SCAPER: variants seen among roughly 807,000 people sequenced by gnomAD.
The protein encoded by SCAPER is S-phase cyclin A associated protein in the ER, also known as S phase cyclin A-associated protein in the endoplasmic reticulum.
In SCAPER, 98 loss-of-function variants were observed where a neutral mutation model predicts 182.2. The observed-to-expected ratio is 0.54, with a 90% confidence interval of 0.46 to 0.64. SCAPER has a LOEUF of 0.64. Among genes scored for constraint, SCAPER ranks in the 30% least tolerant of loss-of-function variants. The probability of loss-of-function intolerance (pLI) is 0.00; values close to 1 mark genes in which losing one functional copy is unlikely to be tolerated. For missense variants in SCAPER, 1,432 were observed against 1,690.0 expected (o/e 0.85, Z 2.68); for synonymous variants, 605 against 564.6 (o/e 1.07, Z -1.01).
At chr15:76,428,564 A>C (rs764118395) in intron 26 of SCAPER, among the ~76,000 whole-genome samples, 3 of 152,170 alleles carry the variant, frequency 2.0e-5, no homozygotes, top group East Asian at 1.9e-4. Context: ...TCAAGTGTGT[A>C]ATCTATAACG....
chr15:76,728,817 A>G lies in SCAPER; in HGVS notation c.2023-80T>C, dbSNP rs1375146359. On this transcript the variant is annotated intron_variant, in intron 16 of 31. Coordinates refer to ENST00000563290, the MANE Select transcript of SCAPER (RefSeq NM_020843.4). ...ATTCAAAGTAATATACCTTTCACCA[A>G]ACTTACATGTTCAAGCCAAGTAGAA... The G allele has an allele frequency of 7.7e-6, 11 of 1,436,154 alleles. No homozygotes were observed. The East Asian group carries it at 2.7e-4, about 36-fold the overall frequency. The allele number at this position is 1,436,154 out of a possible 1,614,324, so 89.0% of individuals were successfully genotyped here.
At chr15:76,358,821 T>C (rs1047724096) in intron 29 of SCAPER, among the ~76,000 whole-genome samples, 2 of 152,210 alleles carry the variant, frequency 1.3e-5, no homozygotes, top group African/African-American at 4.8e-5. Flanking sequence ...AAGGCTACCA[T>C]CTCTAACCAG....
chr15:76,618,576 CTT>C (rs1342780737), intron 22 of SCAPER, among the ~76,000 whole-genome samples: 3 of 151,786 alleles, frequency 2.0e-5, no homozygotes, highest in South Asian at 2.1e-4. Flanking sequence ...TTTTATATCT[CTT>C]GTTAGCTTTT....
intron 25 of SCAPER, among the ~76,000 whole-genome samples, chr15:76,458,630 C>A (rs2048923446): frequency 6.6e-6 from 1 of 152,084 alleles, no homozygotes; most frequent in Non-Finnish European, 1.5e-5. Context: ...ATATTTAGGG[C>A]ATCTATTACC....
At chr15:76,428,393 C>T (rs1328669154) in intron 26 of SCAPER, among the ~76,000 whole-genome samples, 1 of 152,094 alleles carries the variant, frequency 6.6e-6, no homozygotes, top group Non-Finnish European at 1.5e-5. Context: ...GTGTGTTATA[C>T]ACACATAATG....
intron 23 of SCAPER, among the ~76,000 whole-genome samples, chr15:76,515,490 T>C (rs190182741): frequency 6.6e-6 from 1 of 152,304 alleles, no homozygotes; most frequent in Admixed American, 6.5e-5. Context: ...TTTGGGACTA[T>C]GAGAGCAAAG....
At chr15:76,573,321 C>T (rs2047582827) in intron 23 of SCAPER, among the ~76,000 whole-genome samples, 2 of 152,100 alleles carry the variant, frequency 1.3e-5, no homozygotes, top group Admixed American at 6.5e-5. Context: ...GAGTTCATAG[C>T]TGTTCACTGT....
intron 23 of SCAPER, among the ~76,000 whole-genome samples, chr15:76,569,757 T>C (rs1567485957): frequency 6.6e-6 from 1 of 152,112 alleles, no homozygotes; most frequent in African/African-American, 2.4e-5. Context: ...CAGTCTGGAT[T>C]CTTTCTTATG....
chr15:76,843,547 G>C (rs1230370313), intron 4 of SCAPER, among the ~76,000 whole-genome samples: 4 of 152,082 alleles, frequency 2.6e-5, no homozygotes, highest in Non-Finnish European at 5.9e-5. Flanking sequence ...ATAATGTAAG[G>C]TATGATTATC....
At chr15:76,427,892 C>T (rs1225948169) in intron 26 of SCAPER, among the ~76,000 whole-genome samples, 2 of 149,760 alleles carry the variant, frequency 1.3e-5, no homozygotes, top group East Asian at 2.0e-4. Flanking sequence ...GAGATCGCAT[C>T]ACTGAACTCC....
rs531637940 is a variant in SCAPER, at chr15:76,399,223, C to T, written c.3467+5301G>A. Among the ~76,000 whole-genome samples, 5 of 152,226 alleles carry T rather than the reference C, an allele frequency of 3.3e-5. No homozygotes were observed. In the East Asian group the frequency reaches 5.8e-4, roughly 18 times the overall value. On this transcript the variant is annotated intron_variant, in intron 27 of 31. Transcript: ENST00000563290. ...TGCCATCTCGGCTCGCTGCAACCTC[C>T]GCCTCCTGGGTTCAAGCAATTCTCC...
Position 76,474,413 on chromosome 15 carries a change from C to A in SCAPER, c.2955-3078G>T, listed in dbSNP as rs145314498. Among the ~76,000 whole-genome samples, 156 of 152,276 alleles carry A rather than the reference C, an allele frequency of 1.0e-3. 3 individuals are homozygous for A. Among genetic ancestry groups the A allele is most frequent in the African/African-American group, 3.7e-3 (153 of 41,564 alleles). ...ATCTGTCTGATATAGCTGTATACTGCTTCACATAACTGATAGGTTCCTGAA... is the reference window on the plus strand; with the variant it reads ...ATCTGTCTGATATAGCTGTATACTGATTCACATAACTGATAGGTTCCTGAA... On this transcript the variant is annotated intron_variant, in intron 24 of 31. Transcript: ENST00000563290.
intron 14 of SCAPER, among the ~76,000 whole-genome samples, chr15:76,759,321 A>G (rs1238896867): frequency 2.0e-5 from 3 of 152,210 alleles, no homozygotes; most frequent in Admixed American, 6.5e-5. Context: ...CTGGAAGTCC[A>G]ATATCAAGGT....
intron 26 of SCAPER, among the ~76,000 whole-genome samples, chr15:76,433,592 T>G (rs918299605): frequency 6.6e-6 from 1 of 152,212 alleles, no homozygotes; most frequent in Admixed American, 6.5e-5. Flanking sequence ...GTCCAAAATT[T>G]TTGGTTTCAC....
At position 76,421,749 on chromosome 15, in the gene SCAPER, T is replaced by C. The variant is rs569209600; in HGVS notation, c.3311+12329A>G. ...AGGTTTTCCTCTAGGGTTTTTATGG[T>C]TTTAGGTCTAACATGTAAGTCTTTA... On this transcript the variant is annotated intron_variant, in intron 26 of 31. Transcript: ENST00000563290. Among the ~76,000 whole-genome samples, 264 of 152,312 alleles carry C rather than the reference T, an allele frequency of 1.7e-3. 1 individual carries two copies. The highest frequency in any genetic ancestry group is 6.0e-3 in the African/African-American group (250 of 41,564).
At chr15:76,511,019 T>A (rs915251107) in intron 23 of SCAPER, among the ~76,000 whole-genome samples, 7 of 152,150 alleles carry the variant, frequency 4.6e-5, no homozygotes, top group Admixed American at 1.3e-4. Flanking sequence ...CCAAACATTG[T>A]ATGTTCTCAC....
At chr15:76,611,735 G>A (rs1191014152) in intron 22 of SCAPER, among the ~76,000 whole-genome samples, 4 of 152,110 alleles carry the variant, frequency 2.6e-5, no homozygotes, top group Admixed American at 2.6e-4. Flanking sequence ...ACATCAAAAA[G>A]CTTATCTACC....
chr15:76,869,914 G>A (rs904562481), intron 2 of SCAPER, among the ~76,000 whole-genome samples: 4 of 152,134 alleles, frequency 2.6e-5, no homozygotes, highest in Non-Finnish European at 5.9e-5. Context: ...ATTCAGCCAT[G>A]AAAAAGAATA....
Position 76,778,643 on chromosome 15 carries a change from A to ATGTG in SCAPER, c.773-3530_773-3527dup, listed in dbSNP as rs60597958. Among the ~76,000 whole-genome samples, 77 of 148,744 alleles carry ATGTG rather than the reference A, an allele frequency of 5.2e-4. 1 individual carries two copies. Among genetic ancestry groups the ATGTG allele is most frequent in the African/African-American group, 1.3e-3 (55 of 40,764 alleles). On this transcript the variant is annotated intron_variant, in intron 8 of 31. Transcript: ENST00000563290. The stretch of plus-strand genomic sequence containing the variant: ...TATTTAAACACATAAGTGTGAGTGT[A>ATGTG]TGTGTGTGTGTGTGTGTGTGTGTAT...
Sources: gnomAD v4.1 joint callset for allele counts (sites outside exome capture counted in the v4.1 genomes callset) on GRCh38, gnomAD v4.1.1 for gene constraint, MANE v1.5 for transcripts, NCBI Gene and HGNC (gene_info 2026-07-23, HGNC 2026-07-21) for gene names.